Variants in ARHGAP35 observed in about 807,000 individuals in gnomAD.
ARHGAP35 encodes rho GTPase-activating protein 35.
ARHGAP35 carries 15 observed loss-of-function variants against 111.1 expected under a neutral mutation model. That is an observed-to-expected ratio of 0.13 (90% confidence interval 0.09 to 0.21). The LOEUF (loss-of-function observed/expected upper bound fraction) is 0.21, where lower values mean the gene tolerates loss of function less well. Among genes scored for constraint, ARHGAP35 ranks in the 10% least tolerant of loss-of-function variants. The probability of loss-of-function intolerance (pLI) is 1.00; values close to 1 mark genes in which losing one functional copy is unlikely to be tolerated. For missense variants in ARHGAP35, 1,262 were observed against 1,873.0 expected (o/e 0.67, Z 6.02); for synonymous variants, 643 against 710.3 (o/e 0.91, Z 1.51).
At chr19:46,943,096 A>G (rs1402479231) in intron 3 of ARHGAP35, among the ~76,000 whole-genome samples, 1 of 151,600 alleles carries the variant, frequency 6.6e-6, no homozygotes, top group Non-Finnish European at 1.5e-5. Context: ...GCTGGAGTAC[A>G]ATGGTGCAGT....
In ARHGAP35 at chr19:46,921,765, G is replaced by A. The variant is rs753788850; in HGVS notation, c.3090G>A (p.Glu1030=). The A allele has an allele frequency of 4.3e-6, 7 of 1,614,012 alleles. No individual in the cohort carries two copies. The highest frequency in any genetic ancestry group is 5.9e-6 in the Non-Finnish European group (7 of 1,179,888). ...TGTCTTTCATTATGAGCAATTTTGA[G>A]AGTAAACTGAACAACAAAGTACCTC... ...DGLSFIMSNF[E]SKLNNKVPPP... The change falls in exon 2 of 7, where the codon GAG becomes GAA. Residue 1030 remains glutamate (E), a synonymous_variant. Transcript: ENST00000672722. This position sits in a 1 kb window ranked among gnomAD's most constrained non-coding sequence, Gnocchi z 4.3.
chr19:46,905,559 C>CCT (rs920602558), intron 1 of ARHGAP35, among the ~76,000 whole-genome samples: 3 of 145,296 alleles, frequency 2.1e-5, no homozygotes, highest in African/African-American at 7.6e-5. Context: ...TATTCCACCC[C>CCT]CCCCCCCCAA....
intron 1 of ARHGAP35, among the ~76,000 whole-genome samples, chr19:46,913,432 C>T (rs2056148376): frequency 6.6e-6 from 1 of 151,926 alleles, no homozygotes; most frequent in Non-Finnish European, 1.5e-5. Context: ...CCACTTCTTG[C>T]CCTGAGTGTT....
At chr19:46,909,243 C>T (rs2056125982) in intron 1 of ARHGAP35, among the ~76,000 whole-genome samples, 1 of 152,106 alleles carries the variant, frequency 6.6e-6, no homozygotes, top group Admixed American at 6.5e-5. Context: ...ATTGAGGCTG[C>T]AGTGAGCTGT....
At chr19:46,985,003 G>C (rs1368391267) in intron 3 of ARHGAP35, among the ~76,000 whole-genome samples, 17 of 152,206 alleles carry the variant, frequency 1.1e-4, no homozygotes, top group Admixed American at 8.5e-4. Context: ...CGGTGACATT[G>C]CTGCATTATT....
At chr19:46,864,882 ATAAT>A (rs2055846927) in intron 1 of ARHGAP35, among the ~76,000 whole-genome samples, 1 of 152,242 alleles carries the variant, frequency 6.6e-6, no homozygotes. Context: ...GAAGTGACAG[ATAAT>A]TAAGAATAAA....
intron 1 of ARHGAP35, among the ~76,000 whole-genome samples, chr19:46,874,501 C>CTTTTTTTTTTTTTTTTTTTTT (rs758783354): frequency 8.7e-6 from 1 of 114,468 alleles, no homozygotes; most frequent in African/African-American, 3.3e-5. Context: ...TATGTTTTGT[C>CTTTTTTTTTTTTTTTTTTTTT]TTTTTTTTTT....
At chr19:46,897,687 T>C (rs2056064541) in intron 1 of ARHGAP35, among the ~76,000 whole-genome samples, 1 of 118,756 alleles carries the variant, frequency 8.4e-6, no homozygotes, top group Admixed American at 8.3e-5. Flanking sequence ...TCAGGCTAGA[T>C]CTTTAACCAA....
intron 1 of ARHGAP35, among the ~76,000 whole-genome samples, chr19:46,870,098 C>T (rs1851095199): frequency 6.6e-6 from 1 of 151,708 alleles, no homozygotes; most frequent in Admixed American, 6.6e-5. Context: ...AGGCGCCCGC[C>T]ACCATGCCTG....
rs1189347096 is a variant in ARHGAP35, at chr19:46,933,994, AAGG to A, written c.3682-3266_3682-3264del. 1.1e-4 allele frequency among the ~76,000 whole-genome samples: 16 copies of A among 152,290 alleles called. No homozygotes were observed. The East Asian group carries it at 2.3e-3, about 22-fold the overall frequency. On this transcript the variant is annotated intron_variant, in intron 2 of 6. Coordinates refer to ENST00000672722, the MANE Select transcript of ARHGAP35 (RefSeq NM_004491.5). ...GTCTGTTTCCTAGAACCATGGTTAG[AAGG>A]AGGCTTTAAGGTGATTAGGAATAGC...
At chr19:46,870,846 A>T (rs543448797) in intron 1 of ARHGAP35, among the ~76,000 whole-genome samples, 4 of 150,586 alleles carry the variant, frequency 2.7e-5, no homozygotes, top group East Asian at 2.0e-4. Flanking sequence ...GTTTTTTCTT[A>T]AAAAAAAATA....
At chr19:46,996,643 G>A (rs2056710184) in intron 5 of ARHGAP35, among the ~76,000 whole-genome samples, 1 of 152,104 alleles carries the variant, frequency 6.6e-6, no homozygotes, top group Non-Finnish European at 1.5e-5. Flanking sequence ...GCTGTGTTTG[G>A]GTCGTGCAGG....
intron 2 of ARHGAP35, among the ~76,000 whole-genome samples, chr19:46,935,090 CT>C (rs1438856250): frequency 6.6e-6 from 1 of 152,162 alleles, no homozygotes; most frequent in Non-Finnish European, 1.5e-5. Context: ...TTCCTTACTT[CT>C]TTGGTAAAAA....
chr19:46,953,824 C>T (rs1189218495), intron 3 of ARHGAP35, among the ~76,000 whole-genome samples: 4 of 152,198 alleles, frequency 2.6e-5, no homozygotes, highest in African/African-American at 9.7e-5. Flanking sequence ...TCTTTCCAAG[C>T]CCATCTTCCT....
chr19:46,918,700 G>A lies in ARHGAP35; in HGVS notation c.25G>A (p.Val9Ile), dbSNP rs2056178390. 3.1e-6 allele frequency: 5 copies of A among 1,613,290 alleles called. No individual in the cohort carries two copies. The highest frequency in any genetic ancestry group is 4.2e-6 in the Non-Finnish European group (5 of 1,179,390). Residue 9 changes from valine (V) to isoleucine (I), a missense_variant, in exon 2 of 7, where the codon GTC (valine) becomes ATC (isoleucine). Val to Ile is a conservative substitution (Grantham distance 29). This residue lies in a region of ARHGAP35 where 125 missense variants were observed against 301.7 expected (regional missense o/e 0.41). Transcript: ENST00000672722. This position sits in a 1 kb window ranked among gnomAD's most constrained non-coding sequence, Gnocchi z 5.4. ...GATGATGATGGCAAGAAAGCAAGATGTCCGAATTCCCACCTACAACATCAG... is the reference window on the plus strand; with the variant it reads ...GATGATGATGGCAAGAAAGCAAGATATCCGAATTCCCACCTACAACATCAG... The part of the protein sequence containing the change: MMMARKQD[V>I]RIPTYNISVV...
intron 1 of ARHGAP35, among the ~76,000 whole-genome samples, chr19:46,890,412 C>T (rs1471730733): frequency 1.3e-5 from 2 of 152,072 alleles, no homozygotes; most frequent in Admixed American, 1.3e-4. Context: ...ATGCTGAGGC[C>T]CATGCTGGGC....
chr19:46,946,281 G>C (rs1263173610), intron 3 of ARHGAP35, among the ~76,000 whole-genome samples: 5 of 152,232 alleles, frequency 3.3e-5, no homozygotes, highest in Admixed American at 3.3e-4. Flanking sequence ...CATGGGTGTG[G>C]TAGGAAGCTA....
intron 3 of ARHGAP35, among the ~76,000 whole-genome samples, chr19:46,953,740 G>T (rs967909192): frequency 2.0e-5 from 3 of 152,154 alleles, no homozygotes; most frequent in Non-Finnish European, 4.4e-5. Flanking sequence ...TCCAGTGTGG[G>T]GGCAGCCCAG....
At chr19:46,928,659 C>T (rs955665974) in intron 2 of ARHGAP35, among the ~76,000 whole-genome samples, 1 of 151,864 alleles carries the variant, frequency 6.6e-6, no homozygotes, top group Non-Finnish European at 1.5e-5. Flanking sequence ...GCGCTGGGCG[C>T]GGTGGGTCAC....
Sources: gnomAD v4.1 joint callset for allele counts (sites outside exome capture counted in the v4.1 genomes callset) on GRCh38, gnomAD v4.1.1 for gene constraint, gnomAD v4.1.1 regional missense constraint, Gnocchi (gnomAD v3.1) non-coding constraint, MANE v1.5 for transcripts, NCBI Gene and HGNC (gene_info 2026-07-23, HGNC 2026-07-21) for gene names.